Variants in DCTN5 observed in about 807,000 individuals in gnomAD.
DCTN5 encodes the protein dynactin 4.
In DCTN5, 14 loss-of-function variants were observed where a neutral mutation model predicts 23.5. The ratio of observed to expected loss-of-function variants is 0.60; its 90% confidence interval spans 0.39 to 0.93. The LOEUF (loss-of-function observed/expected upper bound fraction) is 0.93. DCTN5 is among the 40% of genes least tolerant of loss of function. DCTN5 has a pLI of 0.00. For synonymous variants in DCTN5, 67 were observed against 79.6 expected, an observed-to-expected ratio of 0.84 and a Z score of 0.84; for missense variants, 156 against 225.9, an observed-to-expected ratio of 0.69 and a Z score of 1.98.
intron 2 of DCTN5, among the ~76,000 whole-genome samples, chr16:23,645,444 C>T (rs924153168): frequency 6.6e-6 from 1 of 152,036 alleles, no homozygotes; most frequent in South Asian, 2.1e-4. Flanking sequence ...TTTAAGTGTA[C>T]AATTAGTTGC....
At chr16:23,641,683 C>A (rs1967265508) in intron 1 of DCTN5, 93 bp downstream of exon 1, 3 of 1,343,724 alleles carry the variant, frequency 2.2e-6, no homozygotes, top group East Asian at 4.8e-5. Context: ...CCCCACCAAC[C>A]CCTGTCCCTT....
In DCTN5 at chr16:23,656,233, C is replaced by G. The variant is rs534174327; in HGVS notation, c.118-2274C>G. On this transcript the variant is annotated intron_variant, in intron 2 of 5. Coordinates refer to ENST00000300087, the MANE Select transcript of DCTN5 (RefSeq NM_032486.4). ...CAGAGCGAGACCCTGTCTCTATAAA[C>G]AAACAAAAATGAGTAGAGTATCACT... Among the ~76,000 whole-genome samples, 12 of 152,098 alleles carry G rather than the reference C, an allele frequency of 7.9e-5. 1 individual carries two copies. Among genetic ancestry groups the G allele is most frequent in the African/African-American group, 2.7e-4 (11 of 41,490 alleles).
At chr16:23,665,925 C>G in intron 5 of DCTN5, 197 bp downstream of exon 5, 1 of 571,942 alleles carries the variant, frequency 1.7e-6, no homozygotes, top group East Asian at 3.0e-5. Context: ...TTGGGTTCAC[C>G]AGAAAATAAG....
chr16:23,654,214 CAT>C (rs1342081387), intron 2 of DCTN5, among the ~76,000 whole-genome samples: 16 of 152,154 alleles, frequency 1.1e-4, no homozygotes, highest in Non-Finnish European at 1.5e-4. Context: ...ATTATAAAGA[CAT>C]GTGCACACAT....
At chr16:23,645,139 T>TATATA (rs1967427632) in intron 2 of DCTN5, among the ~76,000 whole-genome samples, 6 of 63,996 alleles carry the variant, frequency 9.4e-5, no homozygotes, top group Admixed American at 1.8e-4. Context: ...ATATATATAT[T>TATATA]TTTTTTTTTT....
At position 23,670,441 on chromosome 16, in the gene DCTN5, G is replaced by C. The variant is rs1262480693; in HGVS notation, c.*3297G>C. 1 of 152,146 alleles carries C rather than the reference G, an allele frequency of 6.6e-6. No individual in the cohort carries two copies. The highest frequency in any genetic ancestry group is 1.5e-5 in the Non-Finnish European group (1 of 68,048). The allele number at this position is 152,146 out of a possible 1,614,324, so 9.4% of individuals were successfully genotyped here. ...TTAACATATCCTTGGAAGTTTCTCA[G>C]CTATAAGGAAGAGGTCTTGGTGGCT... is the stretch of plus-strand genomic sequence containing the variant. On this transcript the variant is annotated 3_prime_UTR_variant, in exon 6 of 6. Transcript: ENST00000300087.
intron 1 of DCTN5, chr16:23,642,438 A>G (rs1299905933): frequency 1.3e-5 from 2 of 153,958 alleles, no homozygotes; most frequent in Non-Finnish European, 1.4e-5. Context: ...CCACCAAGCT[A>G]TAGACATTCA....
rs960786045 is a variant in DCTN5, at chr16:23,648,344, C to CTT, written c.117+5342_117+5343dup. 3.0e-3 allele frequency among the ~76,000 whole-genome samples: 319 copies of CTT among 105,480 alleles called. 3 individuals carry two copies. Among genetic ancestry groups the CTT allele is most frequent in the Non-Finnish European group, 3.6e-3 (180 of 50,608 alleles). 69.2% of individuals were successfully genotyped at this position (105,480 alleles called of 152,430 possible). On this transcript the variant is annotated intron_variant, in intron 2 of 5. Transcript: ENST00000300087. ...GCTGGCTAATTTTTTTTTCTTTTTTCTTTTTTTTTTTTTTTTTTTTTTAGA... is the reference window on the plus strand; with the variant it reads ...GCTGGCTAATTTTTTTTTCTTTTTTCTTTTTTTTTTTTTTTTTTTTTTTTAGA...
intron 2 of DCTN5, among the ~76,000 whole-genome samples, chr16:23,646,337 T>C (rs2140972643): frequency 6.6e-6 from 1 of 152,320 alleles, no homozygotes; most frequent in East Asian, 1.9e-4. Flanking sequence ...ATTAAACACT[T>C]ATCAGATATA....
intron 2 of DCTN5, among the ~76,000 whole-genome samples, chr16:23,649,173 T>C (rs1967543982): frequency 6.6e-6 from 1 of 152,182 alleles, no homozygotes; most frequent in Non-Finnish European, 1.5e-5. Context: ...TTAGTGATGT[T>C]TAGTGAACAT....
chr16:23,650,727 C>G, intron 2 of DCTN5: 4 of 1,530,644 alleles, frequency 2.6e-6, no homozygotes, highest in Non-Finnish European at 3.5e-6. Flanking sequence ...ATGAACAATC[C>G]ATTTATATTT....
chr16:23,649,497 G>T (rs1056295427), intron 2 of DCTN5, among the ~76,000 whole-genome samples: 1 of 152,002 alleles, frequency 6.6e-6, no homozygotes, highest in Non-Finnish European at 1.5e-5. Flanking sequence ...TTTCCCCTAT[G>T]TTTTCTTCTA....
intron 5 of DCTN5, 186 bp from the exon 6 acceptor site, chr16:23,666,861 T>C: frequency 1.2e-6 from 1 of 836,012 alleles, no homozygotes; most frequent in Non-Finnish European, 1.8e-6. Context: ...AATTTCTCCA[T>C]ATTGGGGTCC....
At position 23,659,080 on chromosome 16, in the gene DCTN5, G is replaced by A. The variant is rs150497576; in HGVS notation, c.236+455G>A. 6.6e-5 allele frequency among the ~76,000 whole-genome samples: 10 copies of A among 152,242 alleles called. No individual in the cohort carries two copies. The East Asian group carries it at 1.9e-3, about 29-fold the overall frequency. The stretch of plus-strand genomic sequence containing the variant: ...GATACCTGCCCCATTTGTTCATGGA[G>A]CCTACCTTGCTGACTCAGCCTCTAA... On this transcript the variant is annotated intron_variant, in intron 3 of 5. Transcript: ENST00000300087.
chr16:23,649,584 T>C (rs1967552873), intron 2 of DCTN5, among the ~76,000 whole-genome samples: 1 of 152,190 alleles, frequency 6.6e-6, no homozygotes, highest in South Asian at 2.1e-4. Context: ...GGCTCACGCC[T>C]ATAATCCCAG....
Position 23,641,568 on chromosome 16 carries a change from A to C in DCTN5, c.26A>C (p.Asn9Thr). The C allele has an allele frequency of 6.2e-7, 1 of 1,614,010 alleles. No individual in the cohort carries two copies. Among genetic ancestry groups the C allele is most frequent in the East Asian group, 2.2e-5 (1 of 44,854 alleles). MELGELLY[N>T]KSEYIETASG... ...ATGGAGTTGGGCGAGCTGCTCTACA[A>C]CAAGTCTGAGTACATCGAGACGGTG... Residue 9 changes from asparagine to threonine, a missense_variant, in exon 1 of 6, where the codon AAC becomes ACC. Asn to Thr is a moderately conservative substitution (Grantham distance 65, BLOSUM62 0). Coordinates refer to ENST00000300087, the MANE Select transcript of DCTN5 (RefSeq NM_032486.4).
At chr16:23,652,924 C>T (rs2140978933) in intron 2 of DCTN5, among the ~76,000 whole-genome samples, 1 of 152,280 alleles carries the variant, frequency 6.6e-6, no homozygotes. Flanking sequence ...GGGAAGATCT[C>T]TTGAGCCCAG....
rs2140994799 is a variant in DCTN5 at position 23,675,193 on chromosome 16, G to A, written c.*8049G>A. The A allele has an allele frequency of 6.6e-6, 1 of 152,072 alleles. No homozygotes were observed. The highest frequency in any genetic ancestry group is 1.5e-5 in the Non-Finnish European group (1 of 67,998). The allele number at this position is 152,072 out of a possible 1,614,324, so 9.4% of individuals were successfully genotyped here. A position where few individuals can be genotyped will look rare whatever the true frequency, so the allele number is the denominator to read the frequency against. ...AAAACGTTTATCTACTTGAACTCTA[G>A]GATGATAGTTAAAAAAAAAAATGTT... On this transcript the variant is annotated 3_prime_UTR_variant, in exon 6 of 6. Transcript: ENST00000300087.
At chr16:23,665,282 C>G (rs1171989676) in intron 4 of DCTN5, among the ~76,000 whole-genome samples, 1 of 152,032 alleles carries the variant, frequency 6.6e-6, no homozygotes, top group Non-Finnish European at 1.5e-5. Flanking sequence ...GGTTCTGTTA[C>G]CAGAAGAAAG....
Sources: gnomAD v4.1 joint callset for allele counts (sites outside exome capture counted in the v4.1 genomes callset) on GRCh38, gnomAD v4.1.1 for gene constraint, MANE v1.5 for transcripts, NCBI Gene and HGNC (gene_info 2026-07-23, HGNC 2026-07-21) for gene names.